The following SPMIP7 variants were observed in gnomAD, a reference collection of about 807,000 sequenced individuals.
SPMIP7 encodes the protein sperm microtubule inner protein 7, also known as protein SPMIP7.
the SPMIP7 span, among the ~76,000 whole-genome samples, chr7:50,156,429 C>T: frequency 0.032 from 4,860 of 151,934 alleles, 225 homozygotes; most frequent in African/African-American, 0.11. Context: ...GAATATTAGC[C>T]GCTACTGTAC....
the SPMIP7 span, among the ~76,000 whole-genome samples, chr7:50,103,036 T>C: frequency 9.0e-6 from 1 of 111,092 alleles, no homozygotes; most frequent in African/African-American, 3.5e-5. Context: ...CTTGTAAGTA[T>C]ATAAGATCAT....
chr7:50,146,211 A>T, the SPMIP7 span, among the ~76,000 whole-genome samples: 1 of 152,214 alleles, frequency 6.6e-6, no homozygotes, highest in Non-Finnish European at 1.5e-5. Flanking sequence ...CCAGAAATGA[A>T]GGTGCAAGTT....
the SPMIP7 span, among the ~76,000 whole-genome samples, chr7:50,106,844 C>T: frequency 6.6e-6 from 1 of 152,186 alleles, no homozygotes; most frequent in African/African-American, 2.4e-5. Flanking sequence ...TGTCTCACAC[C>T]TGTAATCTTA....
At chr7:50,111,166 T>C in the SPMIP7 span, among the ~76,000 whole-genome samples, 1 of 150,526 alleles carries the variant, frequency 6.6e-6, no homozygotes, top group Non-Finnish European at 1.5e-5. Context: ...TCTGGGGTAA[T>C]ACCCGAGATT....
At chr7:50,134,381 T>TAC in the SPMIP7 span, 5,445 of 558,260 alleles carry the variant, frequency 9.8e-3, 125 homozygotes, top group African/African-American at 0.05. Context: ...TAAGTAAATA[T>TAC]ATATACACAC....
At chr7:50,121,914 C>T in the SPMIP7 span, among the ~76,000 whole-genome samples, 1 of 152,090 alleles carries the variant, frequency 6.6e-6, no homozygotes, top group African/African-American at 2.4e-5. Context: ...GCCTCGACCT[C>T]CCAAAGTGCT....
the SPMIP7 span, among the ~76,000 whole-genome samples, chr7:50,133,459 T>C: frequency 6.6e-6 from 1 of 152,194 alleles, no homozygotes; most frequent in African/African-American, 2.4e-5. Context: ...AGTTGATTTG[T>C]AAATTAATGG....
the SPMIP7 span, among the ~76,000 whole-genome samples, chr7:50,132,681 T>C: frequency 1.1e-3 from 164 of 152,294 alleles, 1 homozygote; most frequent in Non-Finnish European, 1.3e-4. Context: ...GACTTTGCCA[T>C]GATTTAAAAT....
chr7:50,149,899 A>G, the SPMIP7 span, among the ~76,000 whole-genome samples: 1 of 152,152 alleles, frequency 6.6e-6, no homozygotes, highest in South Asian at 2.1e-4. Context: ...CCCTCACCCA[A>G]GTCCTTCCGG....
the SPMIP7 span, among the ~76,000 whole-genome samples, chr7:50,114,623 TA>T: frequency 6.6e-6 from 1 of 150,956 alleles, no homozygotes; most frequent in African/African-American, 2.4e-5. Context: ...AAAAGAAAAA[TA>T]GAGAAGATAA....
At chr7:50,105,101 C>T in the SPMIP7 span, among the ~76,000 whole-genome samples, 1 of 152,172 alleles carries the variant, frequency 6.6e-6, no homozygotes, top group Non-Finnish European at 1.5e-5. Context: ...TGTTCTTAAT[C>T]ATCTTCCTGT....
the SPMIP7 span, among the ~76,000 whole-genome samples, chr7:50,110,861 ATAT>A: frequency 1.9e-4 from 25 of 133,722 alleles, no homozygotes; most frequent in African/African-American, 6.3e-4. Context: ...ATATAATTAG[ATAT>A]TATACTATAT....
the SPMIP7 span, among the ~76,000 whole-genome samples, chr7:50,136,841 T>A: frequency 1.3e-5 from 2 of 152,314 alleles, no homozygotes; most frequent in East Asian, 1.9e-4. Context: ...CAGGTTATCA[T>A]CTTTGTTTTT....
the SPMIP7 span, among the ~76,000 whole-genome samples, chr7:50,144,403 G>A: frequency 1.3e-5 from 2 of 152,154 alleles, no homozygotes; most frequent in South Asian, 4.1e-4. Flanking sequence ...TGGAGTGTAT[G>A]TGTGTATGTA....
chr7:50,157,247 C>T, the SPMIP7 span, among the ~76,000 whole-genome samples: 1 of 152,134 alleles, frequency 6.6e-6, no homozygotes, highest in African/African-American at 2.4e-5. Flanking sequence ...CCCCACAGTG[C>T]CTCAGGATGA....
chr7:50,158,622 A>G, the SPMIP7 span, among the ~76,000 whole-genome samples: 1 of 151,800 alleles, frequency 6.6e-6, no homozygotes, highest in Non-Finnish European at 1.5e-5. Context: ...TGACCCAGGT[A>G]TGTCTTCTAC....
At chr7:50,106,824 C>T in the SPMIP7 span, among the ~76,000 whole-genome samples, 1 of 152,178 alleles carries the variant, frequency 6.6e-6, no homozygotes, top group Non-Finnish European at 1.5e-5. Flanking sequence ...GGGGAAGGGG[C>T]CAGGCATGGT....
At chr7:50,154,841 T>C in the SPMIP7 span, among the ~76,000 whole-genome samples, 1 of 152,236 alleles carries the variant, frequency 6.6e-6, no homozygotes, top group Non-Finnish European at 1.5e-5. Context: ...ATCATTTCTC[T>C]ACATGCTCAT....
chr7:50,113,038 A>G, the SPMIP7 span, among the ~76,000 whole-genome samples: 1 of 151,972 alleles, frequency 6.6e-6, no homozygotes, highest in African/African-American at 2.4e-5. Context: ...CAGGACAGGG[A>G]ACGTTTTATG....
Sources: gnomAD v4.1 joint callset for allele counts (sites outside exome capture counted in the v4.1 genomes callset) on GRCh38, gnomAD v4.1.1 for gene constraint, MANE v1.5 for transcripts, NCBI Gene and HGNC (gene_info 2026-07-23, HGNC 2026-07-21) for gene names.